Variants in WDR7 observed in about 807,000 individuals in gnomAD.
The protein encoded by WDR7 is WD repeat domain 7.
In WDR7, 46 loss-of-function variants were observed where a neutral mutation model predicts 169.4. The observed-to-expected ratio is 0.27, with a 90% CI of 0.21 to 0.35. The LOEUF (loss-of-function observed/expected upper bound fraction) is 0.35. WDR7 is among the 10% of genes least tolerant of loss of function. WDR7 has a pLI of 1.00. For missense variants in WDR7, 1,534 were observed against 1,859.3 expected (o/e 0.83, Z 3.22); for synonymous variants, 612 against 666.8 (o/e 0.92, Z 1.27).
At chr18:57,008,198 C>A (rs1193578148) in intron 26 of WDR7, among the ~76,000 whole-genome samples, 1 of 152,146 alleles carries the variant, frequency 6.6e-6, no homozygotes. Flanking sequence ...ACCAGCCCCG[C>A]TTGCCCTCTC....
At chr18:56,694,833 A>G in intron 10 of WDR7, 73 bp downstream of exon 10, 1 of 1,536,012 alleles carries the variant, frequency 6.5e-7, no homozygotes, top group Non-Finnish European at 8.8e-7. Flanking sequence ...AATAACATTC[A>G]TAATGTACAT....
chr18:57,022,720 G>T (rs377180387), intron 27 of WDR7, among the ~76,000 whole-genome samples: 1 of 152,096 alleles, frequency 6.6e-6, no homozygotes, highest in African/African-American at 2.4e-5. Flanking sequence ...CAAAATTACT[G>T]CCCAGGTCAC....
intron 20 of WDR7, chr18:56,872,943 ATTTC>A (rs1568241297): frequency 6.6e-6 from 1 of 152,190 alleles, no homozygotes; most frequent in Admixed American, 6.5e-5. Context: ...CTAGTTACAT[ATTTC>A]TTCTGTTAAC....
At chr18:56,754,956 GT>G (rs2043861143) in intron 14 of WDR7, among the ~76,000 whole-genome samples, 1 of 152,072 alleles carries the variant, frequency 6.6e-6, no homozygotes, top group Non-Finnish European at 1.5e-5. Context: ...AGTGTTTACT[GT>G]TTGCTAATAA....
intron 16 of WDR7, among the ~76,000 whole-genome samples, chr18:56,774,086 G>A (rs950698182): frequency 5.3e-5 from 8 of 151,874 alleles, no homozygotes; most frequent in Non-Finnish European, 1.2e-4. Context: ...GTATTGAAAA[G>A]GGCTACTTGT....
intron 21 of WDR7, among the ~76,000 whole-genome samples, chr18:56,898,802 G>A (rs893907799): frequency 3.9e-5 from 6 of 152,042 alleles, no homozygotes; most frequent in African/African-American, 1.2e-4. Context: ...CAAAAAGGGC[G>A]CTGGTGAAGC....
At chr18:56,911,827 T>C (rs1234445411) in intron 21 of WDR7, among the ~76,000 whole-genome samples, 1 of 152,262 alleles carries the variant, frequency 6.6e-6, no homozygotes, top group African/African-American at 2.4e-5. Context: ...TATGAAGTTA[T>C]AATGAAATAC....
At chr18:56,853,185 C>G (rs2045667896) in intron 20 of WDR7, among the ~76,000 whole-genome samples, 2 of 152,116 alleles carry the variant, frequency 1.3e-5, no homozygotes, top group African/African-American at 4.8e-5. Flanking sequence ...TGAAACACCA[C>G]CATCTCAAAA....
At chr18:56,701,090 G>A (rs1228515246) in intron 12 of WDR7, among the ~76,000 whole-genome samples, 1 of 152,214 alleles carries the variant, frequency 6.6e-6, no homozygotes, top group East Asian at 1.9e-4. Flanking sequence ...GAAGTAATGT[G>A]TTTAAATGTT....
chr18:56,991,150 T>C (rs865901026), intron 26 of WDR7, among the ~76,000 whole-genome samples: 5,507 of 147,466 alleles, frequency 0.037, 122 homozygotes, highest in Non-Finnish European at 0.053. Context: ...CTCATTTTTT[T>C]TTTTTTTTTT....
intron 14 of WDR7, among the ~76,000 whole-genome samples, chr18:56,746,379 C>T (rs971989562): frequency 2.0e-5 from 3 of 152,042 alleles, no homozygotes; most frequent in Non-Finnish European, 4.4e-5. Flanking sequence ...GTAGAAAGGA[C>T]GGGGTAGGAA....
chr18:56,652,162 T>C (rs775560003), intron 1 of WDR7, among the ~76,000 whole-genome samples: 2 of 152,196 alleles, frequency 1.3e-5, no homozygotes, highest in Non-Finnish European at 2.9e-5. Context: ...CTAACTTTGA[T>C]TCAAAAATTG....
chr18:56,711,609 C>A (rs907897793), intron 12 of WDR7, among the ~76,000 whole-genome samples: 1 of 151,826 alleles, frequency 6.6e-6, no homozygotes, highest in African/African-American at 2.4e-5. Flanking sequence ...TTCTTGTTCA[C>A]GTAATTATCC....
At chr18:56,821,115 A>G (rs2045087293) in intron 20 of WDR7, among the ~76,000 whole-genome samples, 1 of 152,214 alleles carries the variant, frequency 6.6e-6, no homozygotes. Flanking sequence ...CATTGAATAA[A>G]ATAGGCAATC....
intron 25 of WDR7, among the ~76,000 whole-genome samples, chr18:56,947,208 A>G (rs1406727230): frequency 2.0e-5 from 3 of 152,232 alleles, no homozygotes; most frequent in Non-Finnish European, 4.4e-5. Flanking sequence ...CGTATTAGCC[A>G]CAAGACTGCT....
chr18:56,655,435 A>G (rs1443227994), intron 1 of WDR7, among the ~76,000 whole-genome samples: 1 of 151,946 alleles, frequency 6.6e-6, no homozygotes, highest in Non-Finnish European at 1.5e-5. Flanking sequence ...GACCAGCAAC[A>G]TGTCAAAACC....
chr18:56,714,515 G>A (rs140042110), intron 12 of WDR7, among the ~76,000 whole-genome samples: 73 of 150,882 alleles, frequency 4.8e-4, no homozygotes, highest in African/African-American at 1.6e-3. Flanking sequence ...TGCGATCTCG[G>A]TTCAGTGCAA....
intron 20 of WDR7, among the ~76,000 whole-genome samples, chr18:56,854,008 A>G (rs1171943309): frequency 6.6e-6 from 1 of 152,200 alleles, no homozygotes; most frequent in African/African-American, 2.4e-5. Flanking sequence ...CATCTGATTC[A>G]TGTCTTCTGT....
chr18:56,818,086 C>T (rs1365071359), intron 20 of WDR7, among the ~76,000 whole-genome samples: 2 of 152,164 alleles, frequency 1.3e-5, no homozygotes, highest in African/African-American at 2.4e-5. Flanking sequence ...TCCGTTTTCA[C>T]TGCTTTTCAT....
Sources: gnomAD v4.1 joint callset for allele counts (sites outside exome capture counted in the v4.1 genomes callset) on GRCh38, gnomAD v4.1.1 for gene constraint, MANE v1.5 for transcripts, NCBI Gene and HGNC (gene_info 2026-07-23, HGNC 2026-07-21) for gene names.